Variants in NCKAP5 observed in about 807,000 individuals in gnomAD.
NCKAP5 encodes NCK associated protein 5, also known as nck-associated protein 5.
Under a neutral mutation model 167.0 loss-of-function variants are expected in NCKAP5, and 92 were observed. The ratio of observed to expected loss-of-function variants is 0.55; its 90% confidence interval spans 0.47 to 0.66. The LOEUF is 0.66. Among genes scored for constraint, NCKAP5 ranks in the 30% least tolerant of loss-of-function variants. The pLI is 0.00. For missense variants in NCKAP5, 2,378 were observed against 2,315.0 expected, an observed-to-expected ratio of 1.03 and a Z score of -0.56; for synonymous variants, 891 against 877.4, an observed-to-expected ratio of 1.02 and a Z score of -0.27.
intron 5 of NCKAP5, among the ~76,000 whole-genome samples, chr2:133,163,451 G>A (rs932911116): frequency 3.3e-5 from 5 of 152,184 alleles, no homozygotes; most frequent in Admixed American, 3.3e-4. Context: ...TATTTAACTT[G>A]TCCAGAGTTC....
At chr2:133,566,569 T>C (rs1688568608) in intron 1 of NCKAP5, among the ~76,000 whole-genome samples, 1 of 152,222 alleles carries the variant, frequency 6.6e-6, no homozygotes, top group Non-Finnish European at 1.5e-5. Flanking sequence ...CACCTGCACA[T>C]AGCCCTGTTC....
intron 6 of NCKAP5, among the ~76,000 whole-genome samples, chr2:133,021,793 G>T (rs1022009095): frequency 2.0e-5 from 3 of 152,100 alleles, no homozygotes; most frequent in African/African-American, 4.8e-5. Flanking sequence ...ACCACGCCTG[G>T]CTAATTTTTT....
At chr2:132,811,730 C>T (rs1685884875) in intron 11 of NCKAP5, among the ~76,000 whole-genome samples, 2 of 152,176 alleles carry the variant, frequency 1.3e-5, no homozygotes, top group Admixed American at 1.3e-4. Flanking sequence ...CTTGGTTCTT[C>T]CCCTGCCTGT....
rs567339661 is a variant in NCKAP5, at chr2:133,197,820, C to T, written c.207+15896G>A. Among the ~76,000 whole-genome samples the T allele has an allele frequency of 1.3e-3, 202 of 152,018 alleles. 1 individual carries two copies. Among genetic ancestry groups the T allele is most frequent in the Non-Finnish European group, 2.1e-3 (144 of 67,968 alleles). On this transcript the variant is annotated intron_variant, in intron 5 of 19. Coordinates refer to ENST00000409261, the MANE Select transcript of NCKAP5 (RefSeq NM_207363.3). ...AAACAATTAGCCATGTTTTGTGGTG[C>T]GTTCCTATAGTCCCAGATACTCAGG...
intron 2 of NCKAP5, among the ~76,000 whole-genome samples, chr2:133,558,512 G>A (rs1169916284): frequency 6.6e-6 from 1 of 151,778 alleles, no homozygotes; most frequent in African/African-American, 2.4e-5. Flanking sequence ...ACAGAAAAAG[G>A]GTATTGAATG....
intron 6 of NCKAP5, among the ~76,000 whole-genome samples, chr2:133,104,465 G>T (rs2149691694): frequency 6.6e-6 from 1 of 152,354 alleles, no homozygotes; most frequent in East Asian, 1.9e-4. Flanking sequence ...CCAGTCTGAA[G>T]TGTGGACTTC....
In NCKAP5 at chr2:133,325,777, C is replaced by A. The variant is rs531896530; in HGVS notation, c.70-22667G>T. On this transcript the variant is annotated intron_variant, in intron 3 of 19. Coordinates refer to ENST00000409261, the MANE Select transcript of NCKAP5 (RefSeq NM_207363.3). Reference sequence around the variant, plus strand: ...TGATGGGCACTGGACCTAATCAGAACCAATGAGACTAACATGAGAATGGCA... The same window carrying A: ...TGATGGGCACTGGACCTAATCAGAAACAATGAGACTAACATGAGAATGGCA... Among the ~76,000 whole-genome samples, 70 of 152,300 alleles carry A rather than the reference C, an allele frequency of 4.6e-4. 1 individual carries two copies. The highest frequency in any genetic ancestry group is 1.6e-3 in the African/African-American group (68 of 41,556).
At chr2:132,716,892 G>A (rs1258904601) in intron 19 of NCKAP5, among the ~76,000 whole-genome samples, 1 of 152,130 alleles carries the variant, frequency 6.6e-6, no homozygotes, top group East Asian at 1.9e-4. Context: ...GGGCACAGTG[G>A]GTTCTTTCTG....
chr2:133,552,726 C>A lies in NCKAP5; in HGVS notation c.-62+6324G>T, dbSNP rs536777243. Among the ~76,000 whole-genome samples the A allele has an allele frequency of 4.9e-3, 698 of 143,324 alleles. 5 individuals carry two copies. Among genetic ancestry groups the A allele is most frequent in the Non-Finnish European group, 8.3e-3 (544 of 65,264 alleles). The allele number at this position is 143,324 out of a possible 152,430, so 94.0% of individuals were successfully genotyped here. A position where few individuals can be genotyped will look rare whatever the true frequency, so the allele number is the denominator to read the frequency against. On this transcript the variant is annotated intron_variant, in intron 2 of 19. Coordinates refer to ENST00000409261, the MANE Select transcript of NCKAP5 (RefSeq NM_207363.3). ...TAACCTGCACAATGTGCACATGTAC[C>A]CTAAAACTTAAAGTATAATAAAAAA... is the stretch of plus-strand genomic sequence containing the variant.
chr2:132,954,301 G>A (rs1354979967), intron 8 of NCKAP5, among the ~76,000 whole-genome samples: 1 of 152,158 alleles, frequency 6.6e-6, no homozygotes, highest in Non-Finnish European at 1.5e-5. Context: ...AGTGACAATG[G>A]TGGCCCCTTG....
the NCKAP5 span, among the ~76,000 whole-genome samples, chr2:133,608,768 C>A: frequency 6.6e-6 from 1 of 152,182 alleles, no homozygotes; most frequent in African/African-American, 2.4e-5. Flanking sequence ...TTACTGTCCT[C>A]AAACCCAAGT....
intron 11 of NCKAP5, among the ~76,000 whole-genome samples, chr2:132,854,800 G>A (rs181208417): frequency 2.6e-5 from 4 of 152,274 alleles, no homozygotes; most frequent in Admixed American, 2.0e-4. Context: ...TTTGGTAATC[G>A]AATGAAGAGG....
In NCKAP5 at chr2:132,783,943, G is replaced by A. The variant is rs746101038; in HGVS notation, c.2868C>T (p.Ser956=). The A allele has an allele frequency of 1.5e-5, 23 of 1,585,656 alleles. No individual in the cohort carries two copies. The highest frequency in any genetic ancestry group is 4.6e-5 in the South Asian group (4 of 86,136). Residue 956 remains serine, a synonymous_variant, in exon 14 of 20, where the codon TCC becomes TCT. Transcript: ENST00000409261. The part of the protein sequence containing the change: ...DYSPAPSSTK[S]ETRVPSETAR... ...CTGTTTCACTGGGGACCCTGGTTTC[G>A]GACTTGGTGGATGAAGGTGCTGGTG... is the stretch of plus-strand genomic sequence containing the variant.
At chr2:133,670,156 A>G in the NCKAP5 span, among the ~76,000 whole-genome samples, 1 of 152,336 alleles carries the variant, frequency 6.6e-6, no homozygotes, top group African/African-American at 2.4e-5. Flanking sequence ...TTTACTAGGT[A>G]AAGCCTCTAT....
chr2:133,474,465 A>G (rs1285560938), intron 3 of NCKAP5, among the ~76,000 whole-genome samples: 1 of 152,196 alleles, frequency 6.6e-6, no homozygotes, highest in African/African-American at 2.4e-5. Flanking sequence ...CTGCAGGAAT[A>G]AGTTCAAGAG....
intron 3 of NCKAP5, among the ~76,000 whole-genome samples, chr2:133,445,133 T>A (rs1047407901): frequency 6.6e-6 from 1 of 152,178 alleles, no homozygotes; most frequent in African/African-American, 2.4e-5. Flanking sequence ...TCAGGCAATT[T>A]AACTTTCTCA....
At chr2:133,487,785 C>T (rs1198849841) in intron 3 of NCKAP5, among the ~76,000 whole-genome samples, 1 of 152,154 alleles carries the variant, frequency 6.6e-6, no homozygotes, top group African/African-American at 2.4e-5. Context: ...CCCCAGGCTA[C>T]AGCAGTAGCA....
At chr2:132,728,216 A>G (rs948579130) in intron 18 of NCKAP5, among the ~76,000 whole-genome samples, 3 of 152,170 alleles carry the variant, frequency 2.0e-5, no homozygotes, top group Non-Finnish European at 2.9e-5. Flanking sequence ...GGGGTACCAC[A>G]TAACCCCCAC....
chr2:132,706,445 G>T (rs1380047982), intron 19 of NCKAP5, among the ~76,000 whole-genome samples: 1 of 152,218 alleles, frequency 6.6e-6, no homozygotes, highest in Non-Finnish European at 1.5e-5. Flanking sequence ...AACAATGAGA[G>T]GCTGTATTGT....
Sources: gnomAD v4.1 joint callset for allele counts (sites outside exome capture counted in the v4.1 genomes callset) on GRCh38, gnomAD v4.1.1 for gene constraint, MANE v1.5 for transcripts, NCBI Gene and HGNC (gene_info 2026-07-23, HGNC 2026-07-21) for gene names.